The following EXOC6B variants were observed in gnomAD, a reference collection of about 807,000 sequenced individuals.
EXOC6B encodes the protein SEC15 homolog B.
In EXOC6B, 54 loss-of-function variants were observed where a neutral mutation model predicts 113.5. The observed-to-expected ratio is 0.48, with a 90% CI of 0.38 to 0.60. The LOEUF (loss-of-function observed/expected upper bound fraction) is 0.60. EXOC6B is among the 20% of genes least tolerant of loss of function. The pLI is 0.00. For missense variants in EXOC6B, 797 were observed against 977.5 expected, an observed-to-expected ratio of 0.82 and a Z score of 2.46; for synonymous variants, 357 against 339.0, an observed-to-expected ratio of 1.05 and a Z score of -0.58.
intron 6 of EXOC6B, among the ~76,000 whole-genome samples, chr2:72,713,423 CT>C (rs201532908): frequency 0.022 from 3,220 of 149,624 alleles, 105 homozygotes; most frequent in African/African-American, 0.073. Context: ...AGAACAAATT[CT>C]TTTTTTTTTC....
intron 17 of EXOC6B, among the ~76,000 whole-genome samples, chr2:72,467,645 T>G (rs950544735): frequency 2.6e-5 from 4 of 152,220 alleles, no homozygotes; most frequent in Non-Finnish European, 4.4e-5. Flanking sequence ...AAATGTCTAT[T>G]CAAAAGCTTT....
chr2:72,684,123 G>A (rs1676915641), intron 6 of EXOC6B, among the ~76,000 whole-genome samples: 1 of 152,064 alleles, frequency 6.6e-6, no homozygotes, highest in South Asian at 2.1e-4. Flanking sequence ...GTACAGACGG[G>A]GTTTCACCAT....
intron 16 of EXOC6B, among the ~76,000 whole-genome samples, chr2:72,489,670 A>G (rs1259372107): frequency 2.0e-4 from 30 of 152,228 alleles, no homozygotes; most frequent in Admixed American, 2.0e-3. Context: ...CCCAGGCAGT[A>G]TATATTAGAA....
intron 6 of EXOC6B, among the ~76,000 whole-genome samples, chr2:72,606,413 AT>A (rs758883738): frequency 6.6e-6 from 1 of 152,094 alleles, no homozygotes; most frequent in Non-Finnish European, 1.5e-5. Flanking sequence ...TATACTCTTC[AT>A]TTATATTAGT....
chr2:72,716,013 C>G (rs1679591420), intron 6 of EXOC6B, among the ~76,000 whole-genome samples: 1 of 152,188 alleles, frequency 6.6e-6, no homozygotes, highest in Non-Finnish European at 1.5e-5. Context: ...TATTATTCAT[C>G]AAACCTATTT....
At chr2:72,708,230 G>T (rs992105193) in intron 6 of EXOC6B, among the ~76,000 whole-genome samples, 3 of 152,098 alleles carry the variant, frequency 2.0e-5, no homozygotes, top group Non-Finnish European at 2.9e-5. Flanking sequence ...AATAGATAGG[G>T]AAAGGACATG....
At chr2:72,772,361 C>A (rs1413727730) in intron 1 of EXOC6B, among the ~76,000 whole-genome samples, 6 of 152,070 alleles carry the variant, frequency 3.9e-5, no homozygotes, top group Non-Finnish European at 8.8e-5. Flanking sequence ...CCAGGATGGC[C>A]CCCAAAGCCC....
chr2:72,346,338 C>T (rs1056820188), intron 19 of EXOC6B, among the ~76,000 whole-genome samples: 13 of 152,084 alleles, frequency 8.5e-5, no homozygotes, highest in African/African-American at 3.1e-4. Flanking sequence ...CTGGCTGTAC[C>T]ATGTGCATTG....
chr2:72,405,653 G>A (rs1435575105), intron 18 of EXOC6B, among the ~76,000 whole-genome samples: 2 of 152,190 alleles, frequency 1.3e-5, no homozygotes, highest in Non-Finnish European at 2.9e-5. Context: ...AGCAAATGCT[G>A]AAAGATTTTG....
chr2:72,469,702 T>G (rs1698277558), intron 17 of EXOC6B, among the ~76,000 whole-genome samples: 1 of 152,080 alleles, frequency 6.6e-6, no homozygotes, highest in African/African-American at 2.4e-5. Flanking sequence ...TGCGTCTTGG[T>G]GAATATTTTG....
intron 1 of EXOC6B, among the ~76,000 whole-genome samples, chr2:72,769,481 G>C (rs1227963002): frequency 2.6e-5 from 4 of 152,154 alleles, no homozygotes; most frequent in Admixed American, 1.3e-4. Flanking sequence ...CTGAGTCAAG[G>C]ATACATGCTG....
Position 72,825,921 on chromosome 2 carries a change from C to G in EXOC6B, c.-11G>C. The G allele has an allele frequency of 6.2e-7, 1 of 1,610,864 alleles. No homozygotes were observed. Among genetic ancestry groups the G allele is most frequent in the Non-Finnish European group, 8.5e-7 (1 of 1,179,168 alleles). On this transcript the variant is annotated 5_prime_UTR_variant, in exon 1 of 22. Coordinates refer to ENST00000272427, the MANE Select transcript of EXOC6B (RefSeq NM_015189.3). This position sits in a 1 kb window ranked among gnomAD's most constrained non-coding sequence, Gnocchi z 4.4. ...CTTACCCCGCTCCATAGACTGGGGGCGCCCCGCAGCGCGTCCCCTCCGTCG... is the reference window on the plus strand; with the variant it reads ...CTTACCCCGCTCCATAGACTGGGGGGGCCCCGCAGCGCGTCCCCTCCGTCG...
intron 6 of EXOC6B, among the ~76,000 whole-genome samples, chr2:72,638,767 G>C (rs538318281): frequency 2.0e-5 from 3 of 152,326 alleles, no homozygotes; most frequent in Admixed American, 6.5e-5. Flanking sequence ...TTTGGTGCAA[G>C]AGTGTCTGTA....
chr2:72,242,147 G>A (rs1051093700), intron 20 of EXOC6B, among the ~76,000 whole-genome samples: 4 of 152,140 alleles, frequency 2.6e-5, no homozygotes, highest in Non-Finnish European at 4.4e-5. Context: ...AGCTATCATC[G>A]TGCCACTGCA....
chr2:72,503,036 A>G lies in EXOC6B; in HGVS notation c.1168-3064T>C, dbSNP rs191455161. Among the ~76,000 whole-genome samples the G allele has an allele frequency of 9.2e-5, 14 of 152,278 alleles. 1 individual carries two copies. In the South Asian group the frequency reaches 1.2e-3, roughly 14 times the overall value. On this transcript the variant is annotated intron_variant, in intron 11 of 21. Coordinates refer to ENST00000272427, the MANE Select transcript of EXOC6B (RefSeq NM_015189.3). ...AAGCCAATTTTTACTTTGGATTCAT[A>G]CCATCCTTTGGCTTGCTTCCATCAT...
intron 20 of EXOC6B, among the ~76,000 whole-genome samples, chr2:72,316,447 G>T (rs537475363): frequency 2.0e-5 from 3 of 152,044 alleles, no homozygotes; most frequent in Non-Finnish European, 4.4e-5. Flanking sequence ...ACCCATATTT[G>T]GTTTTGCCTT....
intron 6 of EXOC6B, among the ~76,000 whole-genome samples, chr2:72,630,957 T>C (rs969144941): frequency 6.6e-5 from 10 of 152,122 alleles, no homozygotes; most frequent in African/African-American, 2.4e-4. Flanking sequence ...CTATATCAAA[T>C]CACCAAACTA....
intron 6 of EXOC6B, among the ~76,000 whole-genome samples, chr2:72,671,048 A>G (rs1224731130): frequency 6.6e-6 from 1 of 152,196 alleles, no homozygotes; most frequent in African/African-American, 2.4e-5. Flanking sequence ...AAGACTTGGA[A>G]CTGTGAAACT....
At chr2:72,269,093 A>G (rs2104618951) in intron 20 of EXOC6B, among the ~76,000 whole-genome samples, 1 of 152,272 alleles carries the variant, frequency 6.6e-6, no homozygotes, top group South Asian at 2.1e-4. Context: ...ACGATGTTAT[A>G]TATATTACAA....
Sources: gnomAD v4.1 joint callset for allele counts (sites outside exome capture counted in the v4.1 genomes callset) on GRCh38, gnomAD v4.1.1 for gene constraint, Gnocchi (gnomAD v3.1) non-coding constraint, MANE v1.5 for transcripts, NCBI Gene and HGNC (gene_info 2026-07-23, HGNC 2026-07-21) for gene names.